The following BTRC variants were observed in gnomAD, a reference collection of about 807,000 sequenced individuals.
The protein encoded by BTRC is F-box/WD repeat-containing protein 1A.
BTRC carries 42 observed loss-of-function variants against 85.5 expected under a neutral mutation model. The ratio of observed to expected loss-of-function variants is 0.49; its 90% CI spans 0.38 to 0.64. The LOEUF (loss-of-function observed/expected upper bound fraction) is 0.64, where lower values mean the gene tolerates loss of function less well. BTRC is among the 30% of genes least tolerant of loss of function. The probability of loss-of-function intolerance (pLI) is 0.00; values close to 1 mark genes in which losing one functional copy is unlikely to be tolerated. For synonymous variants in BTRC, 255 were observed against 263.3 expected (o/e 0.97, Z 0.30); for missense variants, 594 against 743.5 (o/e 0.80, Z 2.34).
chr10:101,366,850 TAA>T lies in BTRC; in HGVS notation c.48+12623_48+12624del, dbSNP rs539695772. ...TATATTTATATATATTTATGTATATTAATATATATTTATATATTAATATATAT... is the reference window on the plus strand; with the variant it reads ...TATATTTATATATATTTATGTATATTTATATATTTATATATTAATATATAT... On this transcript the variant is annotated intron_variant, in intron 1 of 14. Coordinates refer to ENST00000370187, the MANE Select transcript of BTRC (RefSeq NM_033637.4). Among the ~76,000 whole-genome samples, 116 of 26,350 alleles carry T rather than the reference TAA, an allele frequency of 4.4e-3. 16 individuals carry two copies. In the South Asian group the frequency reaches 0.046, roughly 10 times the overall value. The allele number at this position is 26,350 out of a possible 152,430, so 17.3% of individuals were successfully genotyped here. A position where few individuals can be genotyped will look rare whatever the true frequency, so the allele number is the denominator to read the frequency against.
At chr10:101,355,544 A>G (rs1209613619) in intron 1 of BTRC, among the ~76,000 whole-genome samples, 1 of 152,228 alleles carries the variant, frequency 6.6e-6, no homozygotes, top group African/African-American at 2.4e-5. Flanking sequence ...ATAGATTTTA[A>G]GCTTAACAGG....
intron 13 of BTRC, among the ~76,000 whole-genome samples, chr10:101,539,446 G>C (rs2062434275): frequency 6.6e-6 from 1 of 152,178 alleles, no homozygotes; most frequent in South Asian, 2.1e-4. Context: ...GGATTTATGT[G>C]TGTATGTATA....
intron 14 of BTRC, among the ~76,000 whole-genome samples, chr10:101,552,135 T>C (rs937194091): frequency 2.6e-5 from 4 of 152,016 alleles, no homozygotes; most frequent in African/African-American, 9.7e-5. Context: ...CAAGAGTCTG[T>C]TTCTGGCTTT....
chr10:101,537,087 G>A (rs1589613745), intron 12 of BTRC, among the ~76,000 whole-genome samples: 1 of 152,164 alleles, frequency 6.6e-6, no homozygotes, highest in Non-Finnish European at 1.5e-5. Context: ...ATTTTTAAGA[G>A]TACAGTTCTC....
At chr10:101,547,726 G>A (rs1447803900) in intron 13 of BTRC, among the ~76,000 whole-genome samples, 2 of 152,092 alleles carry the variant, frequency 1.3e-5, no homozygotes, top group African/African-American at 4.8e-5. Flanking sequence ...ATAAAATGTA[G>A]TAACTCTGAA....
rs946308866 is a variant in BTRC, at chr10:101,554,734, G to A, written c.*1611G>A. The A allele has an allele frequency of 3.9e-5, 6 of 152,626 alleles. No homozygotes were observed. Among genetic ancestry groups the A allele is most frequent in the African/African-American group, 4.8e-5 (2 of 41,406 alleles). 9.5% of individuals were successfully genotyped at this position (152,626 alleles called of 1,614,324 possible). A position where few individuals can be genotyped will look rare whatever the true frequency, so the allele number is the denominator to read the frequency against. On this transcript the variant is annotated 3_prime_UTR_variant, in exon 15 of 15. Transcript: ENST00000370187. The stretch of plus-strand genomic sequence containing the variant: ...AAGGGTCAGGCAAACCCAGTCACTC[G>A]GAAGGCAGCTGTGTGAGCTGCCAAG...
intron 1 of BTRC, among the ~76,000 whole-genome samples, chr10:101,379,203 CTT>C (rs1220510885): frequency 6.6e-6 from 1 of 152,182 alleles, no homozygotes; most frequent in Non-Finnish European, 1.5e-5. Context: ...AGTAGAAACT[CTT>C]TTCATGTAGG....
intron 1 of BTRC, among the ~76,000 whole-genome samples, chr10:101,361,395 C>T (rs941617278): frequency 1.3e-5 from 2 of 152,206 alleles, no homozygotes; most frequent in Non-Finnish European, 2.9e-5. Context: ...CATGTGCCAC[C>T]GCACCTGGCC....
chr10:101,446,702 G>A (rs1944835027), intron 2 of BTRC, among the ~76,000 whole-genome samples: 1 of 152,104 alleles, frequency 6.6e-6, no homozygotes, highest in African/African-American at 2.4e-5. Context: ...GGCAACTGGA[G>A]TTTTAATGAC....
intron 2 of BTRC, among the ~76,000 whole-genome samples, chr10:101,438,907 A>G (rs1473977901): frequency 6.6e-6 from 1 of 152,180 alleles, no homozygotes; most frequent in East Asian, 1.9e-4. Context: ...CTCTGGTTCA[A>G]TTCCAGTAGT....
intron 1 of BTRC, among the ~76,000 whole-genome samples, chr10:101,408,526 C>T (rs1943689876): frequency 6.6e-6 from 1 of 151,986 alleles, no homozygotes; most frequent in Non-Finnish European, 1.5e-5. Flanking sequence ...AGGCTGGTCT[C>T]CAACTCATGG....
At chr10:101,534,979 G>A in intron 10 of BTRC, 69 bp downstream of exon 10, 3 of 1,528,246 alleles carry the variant, frequency 2.0e-6, no homozygotes, top group Non-Finnish European at 2.7e-6. Context: ...TTGATCAAGG[G>A]CAATTTCATA....
At position 101,531,305 on chromosome 10, in the gene BTRC, T is replaced by C; in HGVS notation, c.812T>C (p.Leu271Pro). ...CCTCCCAACTCTTTTTATAGAGCAC[T>C]TTATCCTAAAATTATACAAGACATT... ...NAPPNSFYRA[L>P]YPKIIQDIET... Residue 271 changes from leucine (L) to proline (P), a missense_variant, in exon 7 of 15, where the codon CTT becomes CCT. By Grantham distance (98) the Leu-to-Pro change is moderately conservative. Transcript: ENST00000370187. 1 of 1,609,830 alleles carries C rather than the reference T, an allele frequency of 6.2e-7. No individual in the cohort carries two copies. The highest frequency in any genetic ancestry group is 8.5e-7 in the Non-Finnish European group (1 of 1,176,196).
chr10:101,529,818 TGTAA>T (rs2062253153), intron 6 of BTRC, among the ~76,000 whole-genome samples: 1 of 152,214 alleles, frequency 6.6e-6, no homozygotes, highest in African/African-American at 2.4e-5. Flanking sequence ...TTAATTATAT[TGTAA>T]TGGAGCTATA....
chr10:101,425,199 G>A (rs999818495), intron 1 of BTRC, among the ~76,000 whole-genome samples: 9 of 151,966 alleles, frequency 5.9e-5, no homozygotes, highest in African/African-American at 1.5e-4. Context: ...CCAGTCTTCC[G>A]TTGATGGGTA....
chr10:101,361,298 G>T (rs1942199127), intron 1 of BTRC, among the ~76,000 whole-genome samples: 1 of 151,774 alleles, frequency 6.6e-6, no homozygotes, highest in South Asian at 2.1e-4. Flanking sequence ...AGTAGAGATG[G>T]GGTTTCACCG....
At chr10:101,414,676 A>G (rs1426874093) in intron 1 of BTRC, 3 of 518,254 alleles carry the variant, frequency 5.8e-6, no homozygotes, top group South Asian at 1.4e-5. Context: ...GCCATAAGCT[A>G]TGAAGGTAGA....
chr10:101,382,445 T>A (rs1293914303), intron 1 of BTRC, among the ~76,000 whole-genome samples: 5 of 152,176 alleles, frequency 3.3e-5, no homozygotes, highest in Non-Finnish European at 7.4e-5. Flanking sequence ...AGAATGTCCC[T>A]CATTTGTTTT....
At chr10:101,459,427 C>T (rs1311263342) in intron 2 of BTRC, among the ~76,000 whole-genome samples, 1 of 152,100 alleles carries the variant, frequency 6.6e-6, no homozygotes, top group Non-Finnish European at 1.5e-5. Flanking sequence ...GGTTCCTAAT[C>T]CTTGTTCCTG....
Sources: allele counts gnomAD v4.1 joint callset (sites outside exome capture counted in the v4.1 genomes callset), GRCh38; gene constraint gnomAD v4.1.1; transcripts MANE v1.5; gene names NCBI Gene and HGNC (gene_info 2026-07-23, HGNC 2026-07-21).